The following PCSK5 variants were observed in gnomAD, a reference collection of about 807,000 sequenced individuals.
PCSK5 encodes proprotein convertase subtilisin/kexin type 5.
In PCSK5, 129 loss-of-function variants were observed where a neutral mutation model predicts 233.2. The ratio of observed to expected loss-of-function variants is 0.55; its 90% CI spans 0.48 to 0.64. The LOEUF (loss-of-function observed/expected upper bound fraction) is 0.64. PCSK5 is among the 30% of genes least tolerant of loss of function. The pLI, the probability that PCSK5 is intolerant of heterozygous loss-of-function variation, is 0.00. For synonymous variants in PCSK5, 825 were observed against 879.2 expected, an observed-to-expected ratio of 0.94 and a Z score of 1.09; for missense variants, 2,076 against 2,430.1, an observed-to-expected ratio of 0.85 and a Z score of 3.06.
chr9:76,066,827 A>G (rs1311086788), intron 5 of PCSK5, among the ~76,000 whole-genome samples: 1 of 152,196 alleles, frequency 6.6e-6, no homozygotes, highest in African/African-American at 2.4e-5. Context: ...TGTAAAATTA[A>G]AAGCACTGAA....
intron 24 of PCSK5, among the ~76,000 whole-genome samples, chr9:76,251,267 TAAAG>T (rs1826793599): frequency 2.1e-5 from 3 of 143,932 alleles, no homozygotes; most frequent in Admixed American, 1.4e-4. Context: ...ACCCCATCTC[TAAAG>T]AAAGAAAGAA....
chr9:76,331,396 G>A (rs188209549), intron 33 of PCSK5, among the ~76,000 whole-genome samples: 2 of 151,924 alleles, frequency 1.3e-5, no homozygotes, highest in Non-Finnish European at 2.9e-5. Flanking sequence ...GGCCAGGCAT[G>A]GTGGCTCACG....
At chr9:76,135,101 A>C (rs1459196384) in intron 10 of PCSK5, among the ~76,000 whole-genome samples, 1 of 152,034 alleles carries the variant, frequency 6.6e-6, no homozygotes, top group Non-Finnish European at 1.5e-5. Context: ...CATCTCCTTA[A>C]AAATTGAGGT....
intron 9 of PCSK5, among the ~76,000 whole-genome samples, chr9:76,124,671 G>A (rs763182315): frequency 5.4e-5 from 8 of 148,670 alleles, no homozygotes; most frequent in South Asian, 2.1e-4. Context: ...ACTTGAACCC[G>A]GGAGGCAGAG....
intron 24 of PCSK5, among the ~76,000 whole-genome samples, chr9:76,276,450 C>G (rs1279449595): frequency 6.6e-6 from 1 of 152,142 alleles, no homozygotes; most frequent in East Asian, 1.9e-4. Flanking sequence ...CTATCCTGGC[C>G]TATAAGATCC....
chr9:75,938,605 G>A (rs955094959), intron 2 of PCSK5, among the ~76,000 whole-genome samples: 2 of 152,178 alleles, frequency 1.3e-5, no homozygotes, highest in Admixed American at 6.5e-5. Context: ...TGTAAAAAGC[G>A]CAATATCTGC....
intron 5 of PCSK5, among the ~76,000 whole-genome samples, chr9:76,048,484 G>A (rs76041058): frequency 1.3e-5 from 2 of 152,134 alleles, no homozygotes; most frequent in African/African-American, 2.4e-5. Context: ...CACTAAGTAC[G>A]TGTGTACCTG....
chr9:76,117,728 A>G (rs1419835875), intron 9 of PCSK5, among the ~76,000 whole-genome samples: 1 of 152,170 alleles, frequency 6.6e-6, no homozygotes, highest in African/African-American at 2.4e-5. Context: ...ATCACTTCAC[A>G]GATTAAACTT....
At chr9:76,261,500 C>A (rs1250558355) in intron 24 of PCSK5, among the ~76,000 whole-genome samples, 1 of 152,070 alleles carries the variant, frequency 6.6e-6, no homozygotes, top group African/African-American at 2.4e-5. Context: ...AGGGCCAAAT[C>A]AAGAATGGAA....
chr9:76,267,948 TATACACAC>T (rs1339933976), intron 24 of PCSK5, among the ~76,000 whole-genome samples: 2 of 61,418 alleles, frequency 3.3e-5, no homozygotes, highest in African/African-American at 1.4e-4. Context: ...TGCTTATGGG[TATACACAC>T]ACACACACAC....
chr9:76,090,972 A>AC (rs1554685076), intron 7 of PCSK5, among the ~76,000 whole-genome samples: 15 of 151,744 alleles, frequency 9.9e-5, no homozygotes, highest in South Asian at 8.3e-4. Flanking sequence ...AGGTCATAAG[A>AC]GGTTCGAGCG....
intron 3 of PCSK5, among the ~76,000 whole-genome samples, chr9:75,986,595 C>T (rs1826525283): frequency 6.6e-6 from 1 of 152,190 alleles, no homozygotes; most frequent in Non-Finnish European, 1.5e-5. Context: ...CTCTGATACA[C>T]ATTTACTGTA....
At chr9:76,187,259 T>G (rs1824147986) in intron 17 of PCSK5, among the ~76,000 whole-genome samples, 1 of 152,220 alleles carries the variant, frequency 6.6e-6, no homozygotes, top group Admixed American at 6.5e-5. Flanking sequence ...TAACCCTGTT[T>G]AGATACTGAT....
At chr9:76,005,228 G>A (rs748752344) in intron 3 of PCSK5, among the ~76,000 whole-genome samples, 1 of 152,088 alleles carries the variant, frequency 6.6e-6, no homozygotes, top group Non-Finnish European at 1.5e-5. Flanking sequence ...ATTCCCTGAG[G>A]CAATAGAGTC....
chr9:76,035,197 C>T (rs1269471037), intron 5 of PCSK5, among the ~76,000 whole-genome samples: 3 of 152,166 alleles, frequency 2.0e-5, no homozygotes, highest in African/African-American at 7.2e-5. Context: ...GTTCTTTAGC[C>T]TGGTATCTTT....
chr9:76,307,623 G>C (rs1227960628), intron 28 of PCSK5, among the ~76,000 whole-genome samples: 2 of 152,050 alleles, frequency 1.3e-5, no homozygotes, highest in African/African-American at 2.4e-5. Flanking sequence ...TGTTTCCTTG[G>C]TTAATGGTAT....
intron 29 of PCSK5, among the ~76,000 whole-genome samples, chr9:76,310,182 AG>A (rs1564171599): frequency 1.3e-5 from 2 of 151,086 alleles, no homozygotes; most frequent in Admixed American, 6.6e-5. Context: ...CGGGAGGCGG[AG>A]GTCGCAGTGA....
intron 37 of PCSK5, among the ~76,000 whole-genome samples, chr9:76,354,548 G>A (rs1017596071): frequency 4.6e-5 from 7 of 152,076 alleles, no homozygotes; most frequent in Non-Finnish European, 8.8e-5. Context: ...GGGAGGGTGA[G>A]GCAGACAGAT....
At chr9:76,159,246 G>A in intron 12 of PCSK5, 75 bp downstream of exon 12, 1 of 1,367,776 alleles carries the variant, frequency 7.3e-7, no homozygotes, top group Non-Finnish European at 1.0e-6. Context: ...GAAGGGAACA[G>A]CTGCTGCTTT....
Sources: allele counts gnomAD v4.1 joint callset (sites outside exome capture counted in the v4.1 genomes callset), GRCh38; gene constraint gnomAD v4.1.1; transcripts MANE v1.5; gene names NCBI Gene and HGNC (gene_info 2026-07-23, HGNC 2026-07-21).